Variants in NFIB observed in about 807,000 individuals in gnomAD.
NFIB encodes nuclear factor 1 B-type.
NFIB carries 11 observed loss-of-function variants against 61.5 expected under a neutral mutation model. That is an observed-to-expected ratio of 0.18 (90% CI 0.11 to 0.30). NFIB has a LOEUF of 0.30. Among genes scored for constraint, NFIB ranks in the 10% least tolerant of loss-of-function variants. The pLI, the probability that NFIB is intolerant of heterozygous loss-of-function variation, is 1.00. For synonymous variants in NFIB, 260 were observed against 216.5 expected (o/e 1.20, Z -1.76); for missense variants, 471 against 608.9 (o/e 0.77, Z 2.38).
intron 6 of NFIB, among the ~76,000 whole-genome samples, chr9:14,133,177 T>G (rs2040603339): frequency 6.6e-6 from 1 of 152,192 alleles, no homozygotes; most frequent in African/African-American, 2.4e-5. Flanking sequence ...TAGACTTTCA[T>G]AGATTTTTTT....
chr9:14,244,509 T>A (rs1478786013), intron 2 of NFIB, among the ~76,000 whole-genome samples: 3 of 152,122 alleles, frequency 2.0e-5, no homozygotes, highest in Non-Finnish European at 4.4e-5. Context: ...TGGGAATGAG[T>A]ATAGTAAGCT....
intron 10 of NFIB, among the ~76,000 whole-genome samples, chr9:14,095,602 C>T (rs1220674150): frequency 1.3e-5 from 2 of 151,932 alleles, no homozygotes; most frequent in African/African-American, 2.4e-5. Flanking sequence ...CAAAATAGTG[C>T]CTTTCACTAG....
At chr9:14,485,127 C>T in the NFIB span, among the ~76,000 whole-genome samples, 2 of 152,168 alleles carry the variant, frequency 1.3e-5, no homozygotes, top group African/African-American at 4.8e-5. Flanking sequence ...AGGTATTTGA[C>T]CCTATCCCCA....
the NFIB span, among the ~76,000 whole-genome samples, chr9:14,524,601 C>T: frequency 6.6e-6 from 1 of 152,056 alleles, no homozygotes; most frequent in African/African-American, 2.4e-5. Flanking sequence ...GAATTTCATG[C>T]CTTCTCATTA....
chr9:14,153,870 TAGG>T (rs1263692339), intron 4 of NFIB, among the ~76,000 whole-genome samples: 1 of 152,114 alleles, frequency 6.6e-6, no homozygotes, highest in Non-Finnish European at 1.5e-5. Context: ...TTAAAACACT[TAGG>T]AGGAGAACTT....
intron 1 of NFIB, among the ~76,000 whole-genome samples, chr9:14,323,795 T>A (rs7868286): frequency 0.053 from 8,122 of 152,202 alleles, 564 homozygotes; most frequent in African/African-American, 0.16. Flanking sequence ...GTATTTTTTT[T>A]TAAAAAAAGG....
chr9:14,447,948 A>AG, the NFIB span, among the ~76,000 whole-genome samples: 1 of 152,318 alleles, frequency 6.6e-6, no homozygotes, highest in African/African-American at 2.4e-5. Context: ...AGGCTGATCA[A>AG]GGTACCTACC....
chr9:14,160,408 C>T (rs924592626), intron 3 of NFIB, among the ~76,000 whole-genome samples: 4 of 151,964 alleles, frequency 2.6e-5, no homozygotes, highest in African/African-American at 9.7e-5. Context: ...CTCATTTTTA[C>T]AGTCTACTGT....
At chr9:14,528,854 A>C in the NFIB span, among the ~76,000 whole-genome samples, 2 of 152,160 alleles carry the variant, frequency 1.3e-5, no homozygotes, top group Non-Finnish European at 1.5e-5. Context: ...ATCAATAACC[A>C]TTAATGAAAT....
At chr9:14,523,648 A>G in the NFIB span, among the ~76,000 whole-genome samples, 2 of 152,168 alleles carry the variant, frequency 1.3e-5, no homozygotes, top group African/African-American at 4.8e-5. Flanking sequence ...TTTATTCCAA[A>G]GTCACTTTGC....
At chr9:14,258,182 C>T (rs2056411177) in intron 2 of NFIB, among the ~76,000 whole-genome samples, 1 of 152,102 alleles carries the variant, frequency 6.6e-6, no homozygotes, top group Admixed American at 6.5e-5. Context: ...TTCAGATCTA[C>T]CACAGTTTTA....
intron 1 of NFIB, among the ~76,000 whole-genome samples, chr9:14,356,881 G>C (rs1324207990): frequency 6.6e-6 from 1 of 152,178 alleles, no homozygotes; most frequent in Non-Finnish European, 1.5e-5. Flanking sequence ...GGGCTGTTAT[G>C]GGGAGATCCT....
intron 2 of NFIB, among the ~76,000 whole-genome samples, chr9:14,198,393 T>C (rs1330984155): frequency 6.6e-6 from 1 of 152,234 alleles, no homozygotes; most frequent in African/African-American, 2.4e-5. Context: ...TTTCTTATGT[T>C]AACAGGTTTT....
chr9:14,201,048 A>G (rs2048980321), intron 2 of NFIB, among the ~76,000 whole-genome samples: 1 of 152,158 alleles, frequency 6.6e-6, no homozygotes, highest in South Asian at 2.1e-4. Flanking sequence ...CCCAGACTCT[A>G]TCTTCCTTTC....
At chr9:14,316,458 G>A (rs956241421), upstream of NFIB, among the ~76,000 whole-genome samples, 1 of 152,244 alleles carries the variant, frequency 6.6e-6, no homozygotes, top group African/African-American at 2.4e-5. Context: ...CACACGCCCT[G>A]GGAGCGGCCT....
chr9:14,252,983 G>C (rs866504604), intron 2 of NFIB, among the ~76,000 whole-genome samples: 3 of 131,896 alleles, frequency 2.3e-5, no homozygotes, highest in Admixed American at 7.6e-5. Context: ...GGGAGGGAGG[G>C]AGGGAAGGCA....
chr9:14,315,484 G>A (rs183660885), upstream of NFIB, among the ~76,000 whole-genome samples: 975 of 147,140 alleles, frequency 6.6e-3, 10 homozygotes, highest in African/African-American at 0.022. Context: ...CCGGCGGAAA[G>A]CGTCTCCCTA....
chr9:14,441,053 G>C, the NFIB span, among the ~76,000 whole-genome samples: 3 of 136,178 alleles, frequency 2.2e-5, no homozygotes, highest in Non-Finnish European at 4.6e-5. Flanking sequence ...GGTAGCCCTA[G>C]AACTATAAAG....
intron 6 of NFIB, among the ~76,000 whole-genome samples, chr9:14,131,855 C>A (rs1299012379): frequency 1.3e-5 from 2 of 152,132 alleles, no homozygotes; most frequent in Non-Finnish European, 2.9e-5. Context: ...AGTAGAACTT[C>A]ATTGAAGTCA....
Sources: gnomAD v4.1 joint callset for allele counts (sites outside exome capture counted in the v4.1 genomes callset) on GRCh38, gnomAD v4.1.1 for gene constraint, MANE v1.5 for transcripts, NCBI Gene and HGNC (gene_info 2026-07-23, HGNC 2026-07-21) for gene names.